Variants in PPP1R13B observed in about 807,000 individuals in gnomAD.
The protein encoded by PPP1R13B is apoptosis-stimulating of p53 protein 1.
In PPP1R13B, 44 loss-of-function variants were observed where a neutral mutation model predicts 119.8. The ratio of observed to expected loss-of-function variants is 0.37; its 90% CI spans 0.29 to 0.47. PPP1R13B has a LOEUF of 0.47. PPP1R13B is among the 20% of genes least tolerant of loss of function. The probability of loss-of-function intolerance (pLI) is 0.99; values close to 1 mark genes in which losing one functional copy is unlikely to be tolerated. For missense variants in PPP1R13B, 1,227 were observed against 1,413.5 expected, an observed-to-expected ratio of 0.87 and a Z score of 2.12; for synonymous variants, 542 against 561.5, an observed-to-expected ratio of 0.97 and a Z score of 0.49.
chr14:103,753,748 A>G (rs1156749878), intron 6 of PPP1R13B, among the ~76,000 whole-genome samples: 8 of 151,930 alleles, frequency 5.3e-5, no homozygotes, highest in Non-Finnish European at 1.2e-4. Context: ...GCCGCAAGAG[A>G]TCTTTTTATT....
At chr14:103,771,860 A>G (rs759056811) in intron 4 of PPP1R13B, among the ~76,000 whole-genome samples, 16 of 152,188 alleles carry the variant, frequency 1.1e-4, no homozygotes, top group Non-Finnish European at 1.8e-4. Context: ...TAAACTGCAT[A>G]TATCTAAAGT....
intron 4 of PPP1R13B, among the ~76,000 whole-genome samples, chr14:103,764,653 G>A (rs1292512769): frequency 2.6e-5 from 4 of 152,010 alleles, no homozygotes; most frequent in African/African-American, 9.7e-5. Context: ...TTGTCTATAT[G>A]TGTTAAACAT....
At chr14:103,845,412 T>C (rs568230471) in intron 1 of PPP1R13B, among the ~76,000 whole-genome samples, 12 of 152,294 alleles carry the variant, frequency 7.9e-5, no homozygotes, top group African/African-American at 2.6e-4. Flanking sequence ...AGAAATACCA[T>C]CTGTTTCTAA....
At chr14:103,812,614 T>C (rs1013608409) in intron 1 of PPP1R13B, among the ~76,000 whole-genome samples, 11 of 151,858 alleles carry the variant, frequency 7.2e-5, no homozygotes, top group Admixed American at 6.6e-4. Flanking sequence ...AGATGGTGTT[T>C]CACCATGTTG....
At chr14:103,792,905 C>G (rs1316044481) in intron 2 of PPP1R13B, among the ~76,000 whole-genome samples, 2 of 151,826 alleles carry the variant, frequency 1.3e-5, no homozygotes, top group African/African-American at 2.4e-5. Flanking sequence ...CTCGTCTCTA[C>G]TAAAAAATGC....
At chr14:103,775,570 C>T (rs1429499256) in intron 4 of PPP1R13B, among the ~76,000 whole-genome samples, 3 of 152,182 alleles carry the variant, frequency 2.0e-5, no homozygotes, top group South Asian at 2.1e-4. Context: ...CCACCGCGCC[C>T]GTCCCATGGT....
At chr14:103,819,490 T>A (rs1266536428) in intron 1 of PPP1R13B, among the ~76,000 whole-genome samples, 2 of 139,872 alleles carry the variant, frequency 1.4e-5, no homozygotes, top group Admixed American at 7.3e-5. Flanking sequence ...GAATGAGAAA[T>A]CTGTCTATTA....
chr14:103,829,383 T>C (rs1472778032), intron 1 of PPP1R13B, among the ~76,000 whole-genome samples: 2 of 152,198 alleles, frequency 1.3e-5, no homozygotes, highest in East Asian at 1.9e-4. Flanking sequence ...AAGAATGTCT[T>C]TGAACTATAG....
chr14:103,843,114 G>A (rs1338767370), intron 1 of PPP1R13B, among the ~76,000 whole-genome samples: 1 of 152,178 alleles, frequency 6.6e-6, no homozygotes, highest in East Asian at 1.9e-4. Flanking sequence ...GCTCACGCCT[G>A]TAATCCCAGC....
At chr14:103,825,433 G>C (rs1313190884) in intron 1 of PPP1R13B, among the ~76,000 whole-genome samples, 2 of 152,198 alleles carry the variant, frequency 1.3e-5, no homozygotes, top group African/African-American at 4.8e-5. Context: ...CTCTTGCCAA[G>C]TTGTGAATGC....
rs529175820 is a variant in PPP1R13B at position 103,808,638 on chromosome 14, C to G, written c.10-11120G>C. The stretch of plus-strand genomic sequence containing the variant: ...AACGGGGGTGAGTTCAGCACTACCC[C>G]CTTCCCCTGACACAAATTTTAGGGA... On this transcript the variant is annotated intron_variant, in intron 1 of 16. Coordinates refer to ENST00000202556, the MANE Select transcript of PPP1R13B (RefSeq NM_015316.3). 1.1e-4 allele frequency among the ~76,000 whole-genome samples: 17 copies of G among 152,154 alleles called. No individual in the cohort carries two copies. In the South Asian group the frequency reaches 3.5e-3, roughly 32 times the overall value.
chr14:103,735,864 G>A (rs1337189504), intron 16 of PPP1R13B, 139 bp downstream of exon 16: 4 of 930,364 alleles, frequency 4.3e-6, no homozygotes, highest in Non-Finnish European at 6.5e-6. Context: ...CTGCCAAGTA[G>A]GCACCTCCCC....
At chr14:103,821,392 T>C (rs915776672) in intron 1 of PPP1R13B, among the ~76,000 whole-genome samples, 1 of 152,070 alleles carries the variant, frequency 6.6e-6, no homozygotes, top group African/African-American at 2.4e-5. Flanking sequence ...ATCATAGAAA[T>C]GAACTGAAAT....
intron 4 of PPP1R13B, among the ~76,000 whole-genome samples, chr14:103,774,410 A>C (rs2085136105): frequency 6.6e-6 from 1 of 152,200 alleles, no homozygotes; most frequent in Non-Finnish European, 1.5e-5. Flanking sequence ...CTTAGTCCTG[A>C]GTGGTCCTAG....
intron 1 of PPP1R13B, among the ~76,000 whole-genome samples, chr14:103,805,506 A>T (rs758204478): frequency 6.6e-6 from 1 of 152,004 alleles, no homozygotes; most frequent in Non-Finnish European, 1.5e-5. Context: ...AGGAGGTCAA[A>T]GCTGCAGTGA....
intron 2 of PPP1R13B, among the ~76,000 whole-genome samples, chr14:103,787,741 C>T (rs2085506943): frequency 6.6e-6 from 1 of 151,006 alleles, no homozygotes; most frequent in Admixed American, 6.6e-5. Flanking sequence ...CAAGCTCCAC[C>T]TCCCGGGTTT....
chr14:103,736,329 GA>G, intron 15 of PPP1R13B, 127 bp from the exon 16 acceptor site: 1 of 943,422 alleles, frequency 1.1e-6, no homozygotes, highest in East Asian at 2.5e-5. Context: ...AGAGGCCAGC[GA>G]GGGAGATGAG....
At position 103,834,503 on chromosome 14, in the gene PPP1R13B, A is replaced by T. The variant is rs1297484136; in HGVS notation, c.9+12796T>A. ...TTTCAGCTGACTGACAGGACACTGCATGAAGTGAACCTTATTCTGGTTCTG... is the reference window on the plus strand; with the variant it reads ...TTTCAGCTGACTGACAGGACACTGCTTGAAGTGAACCTTATTCTGGTTCTG... On this transcript the variant is annotated intron_variant, in intron 1 of 16. Coordinates refer to ENST00000202556, the MANE Select transcript of PPP1R13B (RefSeq NM_015316.3). Among the ~76,000 whole-genome samples, 4 of 151,842 alleles carry T rather than the reference A, an allele frequency of 2.6e-5. No homozygotes were observed. The East Asian group carries it at 7.7e-4, about 29-fold the overall frequency.
chr14:103,742,932 T>C lies in PPP1R13B; in HGVS notation c.1151-109A>G. Reference sequence around the variant, plus strand: ...ACAGCACTGGGACATCCCATTCTGATGCAGATCCATTAACCGAGTGGTCAA... The same window carrying C: ...ACAGCACTGGGACATCCCATTCTGACGCAGATCCATTAACCGAGTGGTCAA... On this transcript the variant is annotated intron_variant, in intron 9 of 16. Transcript: ENST00000202556. This position sits in a 1 kb window ranked among gnomAD's most constrained non-coding sequence, Gnocchi z 4.9. 7.9e-7 allele frequency: 1 copy of C among 1,269,446 alleles called. No individual in the cohort carries two copies. Among genetic ancestry groups the C allele is most frequent in the Non-Finnish European group, 1.1e-6 (1 of 905,070 alleles). The allele number at this position is 1,269,446 out of a possible 1,614,324, so 78.6% of individuals were successfully genotyped here.
Sources: allele counts gnomAD v4.1 joint callset (sites outside exome capture counted in the v4.1 genomes callset), GRCh38; gene constraint gnomAD v4.1.1; non-coding constraint Gnocchi (gnomAD v3.1); transcripts MANE v1.5; gene names NCBI Gene and HGNC (gene_info 2026-07-23, HGNC 2026-07-21).